The following POLR3B variants were observed in gnomAD, a reference collection of about 807,000 sequenced individuals.
The protein encoded by POLR3B is RNA polymerase III subunit B, also known as DNA-directed RNA polymerase III subunit RPC2.
Under a neutral mutation model 147.4 loss-of-function variants are expected in POLR3B, and 96 were observed. That is an observed-to-expected ratio of 0.65 (90% CI 0.55 to 0.77). POLR3B has a LOEUF of 0.77. Among genes scored for constraint, POLR3B ranks in the 30% least tolerant of loss-of-function variants. POLR3B has a pLI of 0.00. For missense variants in POLR3B, 1,036 were observed against 1,413.5 expected (o/e 0.73, Z 4.28); for synonymous variants, 461 against 485.9 (o/e 0.95, Z 0.67).
chr12:106,432,648 G>T (rs2037525847), intron 15 of POLR3B, among the ~76,000 whole-genome samples, 168 bp downstream of exon 15: 1 of 152,168 alleles, frequency 6.6e-6, no homozygotes, highest in South Asian at 2.1e-4. Flanking sequence ...TACTTTGTTG[G>T]CTGGGTTATC....
rs1254500575 is a variant in POLR3B at position 106,475,394 on chromosome 12, G to C, written c.2713+11774G>C. 1.0e-4 allele frequency among the ~76,000 whole-genome samples: 10 copies of C among 96,866 alleles called. 4 individuals are homozygous for C. The highest frequency in any genetic ancestry group is 2.1e-4 in the African/African-American group (4 of 18,638). 63.5% of individuals were successfully genotyped at this position (96,866 alleles called of 152,430 possible). On this transcript the variant is annotated intron_variant, in intron 23 of 27. Transcript: ENST00000228347. ...ATGTCTATTAGGTCCGCTTGGTGCA[G>C]AGCTGAGTTCAATTCCTGGGTATCC...
chr12:106,404,825 A>G (rs1426957183), intron 10 of POLR3B, among the ~76,000 whole-genome samples: 1 of 152,178 alleles, frequency 6.6e-6, no homozygotes, highest in Non-Finnish European at 1.5e-5. Flanking sequence ...CCCCAAGGTC[A>G]GAAATATATT....
chr12:106,426,015 T>C (rs2037429267), intron 12 of POLR3B, among the ~76,000 whole-genome samples: 1 of 152,134 alleles, frequency 6.6e-6, no homozygotes, highest in African/African-American at 2.4e-5. Context: ...TTTACAGTGT[T>C]TCATTATACG....
At position 106,376,464 on chromosome 12, in the gene POLR3B, C is replaced by T. The variant is rs371206487; in HGVS notation, c.496+14C>T. On this transcript the variant is annotated intron_variant, in intron 7 of 27. Transcript: ENST00000228347. ...CCTTAGATCCAGGTATGTGTGAAGT[C>T]TTGGATTTGTCCCACTTTCCTTATT... 1.0e-4 allele frequency: 160 copies of T among 1,568,454 alleles called. No homozygotes were observed. Among genetic ancestry groups the T allele is most frequent in the Non-Finnish European group, 1.4e-4 (155 of 1,139,836 alleles).
At chr12:106,402,046 T>C (rs960938107) in intron 10 of POLR3B, among the ~76,000 whole-genome samples, 8 of 152,112 alleles carry the variant, frequency 5.3e-5, no homozygotes, top group African/African-American at 1.9e-4. Context: ...ATGACATGAT[T>C]GTATATCTAG....
intron 20 of POLR3B, among the ~76,000 whole-genome samples, chr12:106,455,847 C>A (rs143443936): frequency 2.6e-5 from 4 of 152,242 alleles, no homozygotes; most frequent in African/African-American, 7.2e-5. Flanking sequence ...CTTCATCTGA[C>A]GTCCAATTTT....
At chr12:106,414,069 T>G (rs7139139) in intron 12 of POLR3B, among the ~76,000 whole-genome samples, 1 of 151,366 alleles carries the variant, frequency 6.6e-6, no homozygotes, top group Admixed American at 6.6e-5. Context: ...AATTCCATAT[T>G]TGATAACTGT....
chr12:106,403,863 A>G (rs1483358607), intron 10 of POLR3B, among the ~76,000 whole-genome samples: 2 of 151,396 alleles, frequency 1.3e-5, no homozygotes, highest in Non-Finnish European at 2.9e-5. Context: ...CTAATGCTAA[A>G]TGACGAGTTA....
intron 18 of POLR3B, 69 bp from the exon 19 acceptor site, chr12:106,444,394 G>C: frequency 6.6e-7 from 1 of 1,515,312 alleles, no homozygotes; most frequent in Non-Finnish European, 9.2e-7. Flanking sequence ...CAATATTTTT[G>C]TACCCTTTAA....
At chr12:106,496,708 T>G (rs761818354) in intron 24 of POLR3B, 44 bp from the exon 25 acceptor site, 9 of 1,571,572 alleles carry the variant, frequency 5.7e-6, no homozygotes, top group African/African-American at 1.3e-5. Context: ...AGAGAGTGCT[T>G]GTGCCACAGG....
intron 9 of POLR3B, among the ~76,000 whole-genome samples, chr12:106,386,646 A>C (rs1425888119): frequency 1.3e-5 from 2 of 151,922 alleles, no homozygotes; most frequent in African/African-American, 4.8e-5. Context: ...GGTGGCTCAC[A>C]CCTGTAATCC....
chr12:106,418,180 G>A (rs1191997312), intron 12 of POLR3B, among the ~76,000 whole-genome samples: 3 of 152,150 alleles, frequency 2.0e-5, no homozygotes, highest in Non-Finnish European at 2.9e-5. Context: ...AAAACCTACC[G>A]ATTTCAGGCT....
chr12:106,466,096 A>G (rs527239728), intron 23 of POLR3B, among the ~76,000 whole-genome samples: 2 of 152,294 alleles, frequency 1.3e-5, no homozygotes, highest in East Asian at 1.9e-4. Context: ...CTATTTTTCT[A>G]TAACCTCTCC....
chr12:106,401,966 A>G (rs1367524627), intron 10 of POLR3B, among the ~76,000 whole-genome samples: 1 of 152,244 alleles, frequency 6.6e-6, no homozygotes, highest in Non-Finnish European at 1.5e-5. Flanking sequence ...GGCCAGGGCA[A>G]TCAGGCAGTT....
intron 20 of POLR3B, among the ~76,000 whole-genome samples, chr12:106,455,041 C>T (rs557268265): frequency 6.6e-6 from 1 of 152,260 alleles, no homozygotes; most frequent in African/African-American, 2.4e-5. Context: ...TGTGTTTTCA[C>T]TGTGTCTAGT....
At chr12:106,385,780 T>C (rs577031776) in intron 9 of POLR3B, among the ~76,000 whole-genome samples, 2 of 152,320 alleles carry the variant, frequency 1.3e-5, no homozygotes, top group East Asian at 3.9e-4. Flanking sequence ...GAAGAAACTT[T>C]TAGGAAATTT....
chr12:106,449,817 T>C (rs981011091), intron 19 of POLR3B, among the ~76,000 whole-genome samples: 2 of 152,170 alleles, frequency 1.3e-5, no homozygotes, highest in African/African-American at 4.8e-5. Context: ...CAACTGTATA[T>C]CCTTTGTGTC....
intron 10 of POLR3B, among the ~76,000 whole-genome samples, 171 bp from the exon 11 acceptor site, chr12:106,405,686 T>C (rs1396559895): frequency 6.6e-6 from 1 of 152,182 alleles, no homozygotes; most frequent in Non-Finnish European, 1.5e-5. Flanking sequence ...CAGTATGCTA[T>C]GCTTTTTGTC....
intron 18 of POLR3B, among the ~76,000 whole-genome samples, chr12:106,443,617 A>G (rs1479534114): frequency 1.3e-5 from 2 of 151,518 alleles, no homozygotes; most frequent in Admixed American, 1.3e-4. Context: ...TCCTGGGTTC[A>G]AGCAATTCTC....
Sources: allele counts gnomAD v4.1 joint callset (sites outside exome capture counted in the v4.1 genomes callset), GRCh38; gene constraint gnomAD v4.1.1; transcripts MANE v1.5; gene names NCBI Gene and HGNC (gene_info 2026-07-23, HGNC 2026-07-21).